The following PCDHA4 variants were observed in gnomAD, a reference collection of about 807,000 sequenced individuals.
PCDHA4 encodes protocadherin alpha-4.
A neutral mutation model predicts 61.4 loss-of-function variants in PCDHA4; 49 were observed. The ratio of observed to expected loss-of-function variants is 0.80; its 90% CI spans 0.63 to 1.01. The LOEUF is 1.01. PCDHA4 is among the 50% of genes least tolerant of loss of function. The probability of loss-of-function intolerance (pLI) is 0.00; values close to 1 mark genes in which losing one functional copy is unlikely to be tolerated. For missense variants in PCDHA4, 1,254 were observed against 1,235.8 expected, an observed-to-expected ratio of 1.01 and a Z score of -0.22; for synonymous variants, 590 against 550.3, an observed-to-expected ratio of 1.07 and a Z score of -1.01.
At position 141,010,400 on chromosome 5, in the gene PCDHA4, T is replaced by C. The variant is rs145123720; in HGVS notation, c.*463T>C. 379 of 1,297,746 alleles carry C rather than the reference T, an allele frequency of 2.9e-4. No individual in the cohort carries two copies. Among genetic ancestry groups the C allele is most frequent in the Non-Finnish European group, 3.8e-4 (370 of 966,092 alleles). 80.4% of individuals were successfully genotyped at this position (1,297,746 alleles called of 1,614,324 possible). ...CAGATATTGGCTGAGACGAGCCAGC[T>C]TAGACTAATTGGTACAAGGAAGGCA... On this transcript the variant is annotated 3_prime_UTR_variant, in exon 4 of 4. Transcript: ENST00000530339.
intron 1 of PCDHA4, among the ~76,000 whole-genome samples, chr5:140,874,557 G>A (rs782715249): frequency 9.9e-5 from 15 of 152,144 alleles, no homozygotes; most frequent in Non-Finnish European, 1.6e-4. Flanking sequence ...GAGATCTTTC[G>A]CATTTTAGTG....
intron 1 of PCDHA4, chr5:140,851,028 C>G: frequency 7.1e-7 from 1 of 1,410,134 alleles, no homozygotes. Flanking sequence ...AAAGTAAACC[C>G]CTTAACATTG....
At chr5:140,861,386 G>A in intron 1 of PCDHA4, 1 of 440,552 alleles carries the variant, frequency 2.3e-6, no homozygotes, top group Non-Finnish European at 4.6e-6. Context: ...CGCAGGACCT[G>A]GGTCTGGAGC....
At chr5:140,888,649 A>G (rs1554183557) in intron 1 of PCDHA4, among the ~76,000 whole-genome samples, 1 of 152,210 alleles carries the variant, frequency 6.6e-6, no homozygotes, top group African/African-American at 2.4e-5. Flanking sequence ...TACTTTCCTG[A>G]GGACACCACC....
Position 140,861,683 on chromosome 5 carries a change from C to G in PCDHA4, c.2385+52111C>G, listed in dbSNP as rs1386318519. ...GAGAGCTCTTGATTATCGTGTTTCA[C>G]TAGAGGGTGTCTGTGATGCCGACGT... On this transcript the variant is annotated intron_variant, in intron 1 of 3. Coordinates refer to ENST00000530339, the MANE Select transcript of PCDHA4 (RefSeq NM_018907.4). 2.1e-5 allele frequency: 5 copies of G among 233,410 alleles called. No homozygotes were observed. The East Asian group carries it at 3.6e-4, about 17-fold the overall frequency. 14.5% of individuals were successfully genotyped at this position (233,410 alleles called of 1,614,324 possible).
At chr5:141,007,507 G>A (rs2098333216) in intron 3 of PCDHA4, among the ~76,000 whole-genome samples, 1 of 151,980 alleles carries the variant, frequency 6.6e-6, no homozygotes, top group Admixed American at 6.6e-5. Flanking sequence ...GGCAGAGACT[G>A]CAGTGAGCTG....
rs2150126052 is a variant in PCDHA4, at chr5:140,823,464, G to T, written c.2385+13892G>T. 5.6e-6 allele frequency: 9 copies of T among 1,613,420 alleles called. No homozygotes were observed. In the East Asian group the frequency reaches 1.3e-4, roughly 24 times the overall value. On this transcript the variant is annotated intron_variant, in intron 1 of 3. Coordinates refer to ENST00000530339, the MANE Select transcript of PCDHA4 (RefSeq NM_018907.4). ...TGGACGAGAACGACAACGCGCCGGCGCTGCTGGTGCCTCGAGTGGGTGGCA... is the reference window on the plus strand; with the variant it reads ...TGGACGAGAACGACAACGCGCCGGCTCTGCTGGTGCCTCGAGTGGGTGGCA...
intron 1 of PCDHA4, chr5:140,968,830 C>G: frequency 6.2e-7 from 1 of 1,614,198 alleles, no homozygotes; most frequent in Non-Finnish European, 8.5e-7. Context: ...CCAAAATCCT[C>G]CCTGACACTC....
chr5:140,809,196 T>C lies in PCDHA4; in HGVS notation c.2009T>C (p.Val670Ala). Reference protein sequence around the residue: ...TATATVLVSLVESGQAPKASS... With the variant: ...TATATVLVSLAESGQAPKASS... Reference sequence around the variant, plus strand: ...ACGGCCACTGTGCTGGTGTCACTTGTGGAGAGTGGACAGGCGCCAAAGGCC... The same window carrying C: ...ACGGCCACTGTGCTGGTGTCACTTGCGGAGAGTGGACAGGCGCCAAAGGCC... Residue 670 changes from valine to alanine, a missense_variant, in exon 1 of 4, where the codon GTG (valine) becomes GCG (alanine). Physicochemically the swap from Val to Ala is moderately conservative, Grantham distance 64. Coordinates refer to ENST00000530339, the MANE Select transcript of PCDHA4 (RefSeq NM_018907.4). The C allele has an allele frequency of 1.9e-6, 3 of 1,614,016 alleles. No homozygotes were observed. The highest frequency in any genetic ancestry group is 2.2e-5 in the South Asian group (2 of 91,078).
At chr5:140,937,944 G>T (rs2091858064) in intron 1 of PCDHA4, among the ~76,000 whole-genome samples, 1 of 151,532 alleles carries the variant, frequency 6.6e-6, no homozygotes. Flanking sequence ...TTTGATAATT[G>T]GCTTTTGTTG....
At chr5:140,931,574 C>A (rs1311706898) in intron 1 of PCDHA4, among the ~76,000 whole-genome samples, 1 of 152,024 alleles carries the variant, frequency 6.6e-6, no homozygotes, top group Non-Finnish European at 1.5e-5. Flanking sequence ...CCATCCCATT[C>A]ATTCAGTTGA....
At chr5:140,889,705 CA>C (rs1440108575) in intron 1 of PCDHA4, among the ~76,000 whole-genome samples, 2 of 152,132 alleles carry the variant, frequency 1.3e-5, no homozygotes, top group Non-Finnish European at 1.5e-5. Flanking sequence ...GCATATTCCA[CA>C]AGTTCTTTGC....
chr5:140,993,368 T>A (rs1354951477), intron 3 of PCDHA4, among the ~76,000 whole-genome samples: 2 of 151,944 alleles, frequency 1.3e-5, no homozygotes, highest in Middle Eastern at 6.8e-3. Flanking sequence ...AAAAACTACC[T>A]CCCAGCCGGG....
At chr5:140,917,337 G>T (rs1563019639) in intron 1 of PCDHA4, among the ~76,000 whole-genome samples, 1 of 142,560 alleles carries the variant, frequency 7.0e-6, no homozygotes, top group Non-Finnish European at 1.6e-5. Context: ...GGGAGGGGGG[G>T]GATGGTGTAG....
At chr5:140,828,655 C>T (rs1769872389) in intron 1 of PCDHA4, 1 of 1,613,992 alleles carries the variant, frequency 6.2e-7, no homozygotes, top group Non-Finnish European at 8.5e-7. Context: ...ACAGTGATGA[C>T]AATAAACAAA....
Position 140,851,360 on chromosome 5 carries a change from A to C in PCDHA4, c.2385+41788A>C, listed in dbSNP as rs1554145369. 3.1e-6 allele frequency: 3 copies of C among 978,096 alleles called. No homozygotes were observed. In the African/African-American group the frequency reaches 5.2e-5, roughly 17 times the overall value. 60.6% of individuals were successfully genotyped at this position (978,096 alleles called of 1,614,324 possible). On this transcript the variant is annotated intron_variant, in intron 1 of 3. Transcript: ENST00000530339. ...TACATTTCTCTGGATGGAGACTGTG[A>C]ACATCTGATTGTTCAGCAACCTTCA...
chr5:140,852,464 G>A (rs2042343085), intron 1 of PCDHA4: 1 of 189,256 alleles, frequency 5.3e-6, no homozygotes, highest in Non-Finnish European at 1.1e-5. Context: ...TTTTAGTAGA[G>A]ATGGGGTTTC....
In PCDHA4 at chr5:140,807,463, G is replaced by C. The variant is rs3822349; in HGVS notation, c.276G>C (p.Arg92=). The change falls in exon 1 of 4, where the codon CGG becomes CGC. Residue 92 remains arginine (R), a synonymous_variant. Coordinates refer to ENST00000530339, the MANE Select transcript of PCDHA4 (RefSeq NM_018907.4). The part of the protein sequence containing the change: ...GILFVNSRID[R]EELCRRSAEC... ...TGTTTGTGAATTCTCGGATCGACCG[G>C]GAGGAGCTGTGCCGGCGGAGCGCGG... 0.52 allele frequency: 823,078 copies of C among 1,568,206 alleles called. 222,037 individuals carry two copies. Among genetic ancestry groups the C allele is most frequent in the Middle Eastern group, 0.57 (3,261 of 5,712 alleles).
At chr5:140,926,611 A>G in intron 1 of PCDHA4, 1 of 348,974 alleles carries the variant, frequency 2.9e-6, no homozygotes, top group Non-Finnish European at 5.1e-6. Context: ...TCGTCTCTGC[A>G]CCCCTAGGCG....
Sources: gnomAD v4.1 joint callset for allele counts (sites outside exome capture counted in the v4.1 genomes callset) on GRCh38, gnomAD v4.1.1 for gene constraint, MANE v1.5 for transcripts, NCBI Gene and HGNC (gene_info 2026-07-23, HGNC 2026-07-21) for gene names.